The following KDM4B variants were observed in gnomAD, a reference collection of about 807,000 sequenced individuals.
The protein encoded by KDM4B is lysine demethylase 4B, also known as lysine-specific demethylase 4B.
Under a neutral mutation model 125.2 loss-of-function variants are expected in KDM4B, and 32 were observed. The ratio of observed to expected loss-of-function variants is 0.26; its 90% CI spans 0.19 to 0.34. KDM4B has a LOEUF of 0.34. Ranked by LOEUF, KDM4B falls within the 10% of genes least tolerant of loss-of-function variation. The probability of loss-of-function intolerance (pLI) is 1.00; values close to 1 mark genes in which losing one functional copy is unlikely to be tolerated. For missense variants in KDM4B, 1,190 were observed against 1,577.7 expected (o/e 0.75, Z 4.16); for synonymous variants, 721 against 677.9 (o/e 1.06, Z -0.99).
intron 6 of KDM4B, among the ~76,000 whole-genome samples, chr19:5,054,516 G>T (rs759342974): frequency 6.6e-6 from 1 of 152,096 alleles, no homozygotes; most frequent in Non-Finnish European, 1.5e-5. Context: ...GCGTACACAT[G>T]TACATGTGTT....
At chr19:4,989,464 C>CTA (rs1401022088) in intron 1 of KDM4B, among the ~76,000 whole-genome samples, 2 of 149,400 alleles carry the variant, frequency 1.3e-5, no homozygotes, top group East Asian at 2.0e-4. Context: ...CAGCCTCCCC[C>CTA]AGTAGCTGGG....
rs1162899002 is a variant in KDM4B, at chr19:5,101,178, T to A, written c.919-9444T>A. 2.9e-5 allele frequency among the ~76,000 whole-genome samples: 4 copies of A among 139,790 alleles called. No homozygotes were observed. In the South Asian group the frequency reaches 7.0e-4, roughly 25 times the overall value. 91.7% of individuals were successfully genotyped at this position (139,790 alleles called of 152,430 possible). A position where few individuals can be genotyped will look rare whatever the true frequency, so the allele number is the denominator to read the frequency against. Reference sequence around the variant, plus strand: ...CAGAAGTTGCAGTGAACCGAGGTTGTGCCATTGCGCTCCAACCTGGGCAAC... The same window carrying A: ...CAGAAGTTGCAGTGAACCGAGGTTGAGCCATTGCGCTCCAACCTGGGCAAC... On this transcript the variant is annotated intron_variant, in intron 9 of 22. Coordinates refer to ENST00000159111, the MANE Select transcript of KDM4B (RefSeq NM_015015.3).
intron 1 of KDM4B, among the ~76,000 whole-genome samples, chr19:4,979,945 A>G (rs951081798): frequency 8.6e-5 from 13 of 152,022 alleles, no homozygotes; most frequent in African/African-American, 9.7e-5. Flanking sequence ...TCTACTAACA[A>G]TACAAAAGAA....
chr19:5,145,632 TAGG>T (rs1194687299), intron 21 of KDM4B, among the ~76,000 whole-genome samples: 1 of 152,110 alleles, frequency 6.6e-6, no homozygotes, highest in East Asian at 1.9e-4. Flanking sequence ...CGTGGAATTT[TAGG>T]AGGAGAGCTG....
chr19:5,029,092 A>G (rs1443313934), intron 2 of KDM4B, among the ~76,000 whole-genome samples: 1 of 152,078 alleles, frequency 6.6e-6, no homozygotes, highest in Non-Finnish European at 1.5e-5. Context: ...TGTATTTTTT[A>G]TAGAGACGGA....
chr19:5,087,916 A>G (rs1013690602), intron 9 of KDM4B, among the ~76,000 whole-genome samples: 2 of 151,842 alleles, frequency 1.3e-5, no homozygotes, highest in African/African-American at 4.8e-5. Context: ...GGCTGTTCGG[A>G]GGGTTTGGGG....
intron 11 of KDM4B, among the ~76,000 whole-genome samples, chr19:5,121,076 G>A (rs2039351733): frequency 6.6e-6 from 1 of 152,326 alleles, no homozygotes; most frequent in East Asian, 1.9e-4. Flanking sequence ...CCTGCCAGGG[G>A]CAGCCGTGGG....
chr19:5,057,067 C>CGCGT (rs1491323989), intron 6 of KDM4B, among the ~76,000 whole-genome samples: 1 of 99,684 alleles, frequency 1.0e-5, no homozygotes, highest in African/African-American at 5.4e-5. Flanking sequence ...TGTGTGTGTG[C>CGCGT]GCGCGCGCGC....
intron 9 of KDM4B, among the ~76,000 whole-genome samples, chr19:5,094,868 G>A (rs561257579): frequency 1.3e-3 from 191 of 152,330 alleles, no homozygotes; most frequent in African/African-American, 4.4e-3. Context: ...GCTAATAGCC[G>A]GGTGGGCTGG....
At chr19:5,053,469 G>GC (rs2037296572) in intron 6 of KDM4B, among the ~76,000 whole-genome samples, 1 of 152,228 alleles carries the variant, frequency 6.6e-6, no homozygotes, top group African/African-American at 2.4e-5. Context: ...CAGTAGGGAG[G>GC]CAGAGGGACC....
intron 9 of KDM4B, among the ~76,000 whole-genome samples, chr19:5,087,610 G>A (rs912356135): frequency 6.6e-6 from 1 of 152,214 alleles, no homozygotes; most frequent in Admixed American, 6.5e-5. Context: ...CTCCCCTGCT[G>A]GTGTGGCCTT....
intron 1 of KDM4B, among the ~76,000 whole-genome samples, chr19:4,977,546 G>A (rs2034490922): frequency 6.6e-6 from 1 of 152,238 alleles, no homozygotes; most frequent in South Asian, 2.1e-4. Context: ...GGCAGTGGCG[G>A]TGGGCCTGTT....
At position 5,131,494 on chromosome 19, in the gene KDM4B, C is replaced by T; in HGVS notation, c.1734C>T (p.Ala578=). 1 of 1,498,690 alleles carries T rather than the reference C, an allele frequency of 6.7e-7. No individual in the cohort carries two copies. Among genetic ancestry groups the T allele is most frequent in the Non-Finnish European group, 8.8e-7 (1 of 1,130,744 alleles). 92.8% of individuals were successfully genotyped at this position (1,498,690 alleles called of 1,614,324 possible). The change falls in exon 12 of 23, where the codon GCC becomes GCT. Residue 578 remains alanine, a synonymous_variant. Transcript: ENST00000159111. ...TGACGGGGCCAGAGGACGGTGCAGC[C>T]AGCAGTGGGGCAGGTCGCATGGAGA... ...MELTGPEDGA[A]SSGAGRMETK...
chr19:5,136,802 G>A (rs1170647140), intron 15 of KDM4B, among the ~76,000 whole-genome samples: 1 of 152,328 alleles, frequency 6.6e-6, no homozygotes, highest in African/African-American at 2.4e-5. Flanking sequence ...CCCTGCCCTC[G>A]CTCTGGGGGC....
intron 15 of KDM4B, among the ~76,000 whole-genome samples, chr19:5,136,891 G>T (rs75675032): frequency 0.028 from 4,270 of 152,268 alleles, 78 homozygotes; most frequent in Admixed American, 0.037. Context: ...TGCGGCTTTG[G>T]CCTTTCTGGA....
At chr19:5,073,768 G>A (rs139327621) in intron 7 of KDM4B, among the ~76,000 whole-genome samples, 1 of 152,162 alleles carries the variant, frequency 6.6e-6, no homozygotes, top group Admixed American at 6.5e-5. Context: ...GGCTGGGTGA[G>A]GGGGAGCCAG....
chr19:5,066,297 T>TA (rs904621543), intron 6 of KDM4B, among the ~76,000 whole-genome samples: 34 of 152,118 alleles, frequency 2.2e-4, no homozygotes, highest in African/African-American at 8.0e-4. Context: ...AGGTAGAGGG[T>TA]CCGGGGGCTG....
intron 6 of KDM4B, among the ~76,000 whole-genome samples, chr19:5,068,379 C>T (rs558710756): frequency 1.2e-4 from 19 of 152,318 alleles, no homozygotes; most frequent in Non-Finnish European, 2.2e-4. Context: ...TCAGGACATC[C>T]GGAGAGCCTT....
At chr19:5,127,981 C>T (rs576078103) in intron 11 of KDM4B, among the ~76,000 whole-genome samples, 2 of 152,170 alleles carry the variant, frequency 1.3e-5, no homozygotes, top group African/African-American at 4.8e-5. Flanking sequence ...GGCTCTGTGT[C>T]TCTGGCCCCA....
Sources: gnomAD v4.1 joint callset for allele counts (sites outside exome capture counted in the v4.1 genomes callset) on GRCh38, gnomAD v4.1.1 for gene constraint, MANE v1.5 for transcripts, NCBI Gene and HGNC (gene_info 2026-07-23, HGNC 2026-07-21) for gene names.